Variants in IGHMBP2 observed in about 807,000 individuals in gnomAD.
IGHMBP2 encodes the protein DNA-binding protein SMUBP-2.
Under a neutral mutation model 96.0 loss-of-function variants are expected in IGHMBP2, and 81 were observed. That is an observed-to-expected ratio of 0.84 (90% CI 0.71 to 1.01). The LOEUF is 1.01. Ranked by LOEUF, IGHMBP2 falls within the 50% of genes least tolerant of loss-of-function variation. The pLI is 0.00. For synonymous variants in IGHMBP2, 557 were observed against 548.9 expected (o/e 1.01, Z -0.21); for missense variants, 1,227 against 1,306.3 (o/e 0.94, Z 0.94).
chr11:68,937,690 G>A (rs1468275459), intron 13 of IGHMBP2: 2 of 225,888 alleles, frequency 8.9e-6, no homozygotes, highest in African/African-American at 4.5e-5. Context: ...CGGTCTTGGG[G>A]AACTCCTGCT....
chr11:68,927,316 T>C (rs1296110796), intron 7 of IGHMBP2, among the ~76,000 whole-genome samples: 1 of 152,262 alleles, frequency 6.6e-6, no homozygotes, highest in East Asian at 1.9e-4. Context: ...TAATACAACT[T>C]AGTGGCCAGC....
intron 14 of IGHMBP2, among the ~76,000 whole-genome samples, chr11:68,939,004 T>C (rs1472600897): frequency 6.6e-6 from 1 of 151,864 alleles, no homozygotes; most frequent in Non-Finnish European, 1.5e-5. Context: ...AGGTGGGAGC[T>C]GGGCTGGGAA....
chr11:68,919,385 T>G (rs190912178), intron 7 of IGHMBP2, among the ~76,000 whole-genome samples: 1 of 152,308 alleles, frequency 6.6e-6, no homozygotes, highest in Admixed American at 6.5e-5. Flanking sequence ...TTCTCCCAGC[T>G]CAGCCTCCTG....
rs529534561 is a variant in IGHMBP2 at position 68,930,120 on chromosome 11, G to A, written c.1235+763G>A. Reference sequence around the variant, plus strand: ...ATGAACCCTCTGCATGGTATCCCTTGACTGCCCTTACACGAGGCCTGTGAA... The same window carrying A: ...ATGAACCCTCTGCATGGTATCCCTTAACTGCCCTTACACGAGGCCTGTGAA... On this transcript the variant is annotated intron_variant, in intron 8 of 14. Transcript: ENST00000255078. The A allele has an allele frequency of 2.3e-4, 274 of 1,188,544 alleles. 1 individual carries two copies. In the African/African-American group the frequency reaches 3.7e-3, roughly 16 times the overall value. 73.6% of individuals were successfully genotyped at this position (1,188,544 alleles called of 1,614,324 possible). A position where few individuals can be genotyped will look rare whatever the true frequency, so the allele number is the denominator to read the frequency against.
intron 7 of IGHMBP2, among the ~76,000 whole-genome samples, chr11:68,923,722 G>C (rs1055907650): frequency 6.6e-6 from 1 of 152,024 alleles, no homozygotes; most frequent in Non-Finnish European, 1.5e-5. Flanking sequence ...TGCTGTTCCC[G>C]GCCTTGTGTG....
At chr11:68,918,368 G>A (rs148222944) in intron 7 of IGHMBP2, among the ~76,000 whole-genome samples, 271 of 151,546 alleles carry the variant, frequency 1.8e-3, no homozygotes, top group African/African-American at 6.3e-3. Flanking sequence ...TCTGCCAGGC[G>A]CAGTGGCTCA....
At chr11:68,933,505 C>A in intron 9 of IGHMBP2, 24 bp downstream of exon 9, 4 of 1,602,958 alleles carry the variant, frequency 2.5e-6, no homozygotes, top group Non-Finnish European at 3.4e-6. Context: ...CACCACCCGC[C>A]GCCCCATCCT....
chr11:68,909,329 G>A (rs1424744771), intron 4 of IGHMBP2, among the ~76,000 whole-genome samples: 2 of 147,860 alleles, frequency 1.4e-5, no homozygotes, highest in South Asian at 2.2e-4. Flanking sequence ...ACAGGCACAC[G>A]CCACCACGCC....
intron 7 of IGHMBP2, 78 bp downstream of exon 7, chr11:68,917,961 G>A: frequency 6.6e-7 from 1 of 1,504,166 alleles, no homozygotes; most frequent in Non-Finnish European, 9.2e-7. Context: ...TTTTCTGGAA[G>A]AGTTTGTTTA....
At position 68,936,800 on chromosome 11, in the gene IGHMBP2, G is replaced by A. The variant is rs1311240840; in HGVS notation, c.2320G>A (p.Glu774Lys). The A allele has an allele frequency of 6.2e-7, 1 of 1,614,028 alleles. No homozygotes were observed. The highest frequency in any genetic ancestry group is 8.5e-7 in the Non-Finnish European group (1 of 1,180,038). ...CGGGCTGAGGCACGACAGTTCCGGGGAAGGGAAGAGGAGGTTCATCACTGT... is the reference window on the plus strand; with the variant it reads ...CGGGCTGAGGCACGACAGTTCCGGGAAAGGGAAGAGGAGGTTCATCACTGT... ...EHGLRHDSSG[E>K]GKRRFITVSK... The change falls in exon 13 of 15, where the codon GAA (glutamate) becomes AAA (lysine). Residue 774 changes from glutamate to lysine, a missense_variant. This residue lies in a region of IGHMBP2 where 703 missense variants were observed against 770.3 expected (regional missense o/e 0.91). Coordinates refer to ENST00000255078, the MANE Select transcript of IGHMBP2 (RefSeq NM_002180.3).
chr11:68,913,043 CAAAAAAAAAAA>C (rs71043469), intron 5 of IGHMBP2, among the ~76,000 whole-genome samples: 4 of 37,468 alleles, frequency 1.1e-4, no homozygotes, highest in Admixed American at 3.8e-4. Flanking sequence ...ACTCCATCTC[CAAAAAAAAAAA>C]AAAAAAAAAA....
At position 68,940,066 on chromosome 11, in the gene IGHMBP2, C is replaced by T. The variant is rs1490536508; in HGVS notation, c.*335C>T. 2 of 337,804 alleles carry T rather than the reference C, an allele frequency of 5.9e-6. No homozygotes were observed. Among genetic ancestry groups the T allele is most frequent in the Non-Finnish European group, 1.1e-5 (2 of 182,162 alleles). 20.9% of individuals were successfully genotyped at this position (337,804 alleles called of 1,614,324 possible). A position where few individuals can be genotyped will look rare whatever the true frequency, so the allele number is the denominator to read the frequency against. On this transcript the variant is annotated 3_prime_UTR_variant, in exon 15 of 15. Transcript: ENST00000255078. ...CCTGGAGAATACCCAGGGCCTCAAA[C>T]TTGAAGTCACTCCTCCAATGTCTGG...
At chr11:68,925,783 G>C (rs1299606932) in intron 7 of IGHMBP2, among the ~76,000 whole-genome samples, 2 of 152,132 alleles carry the variant, frequency 1.3e-5, no homozygotes, top group Non-Finnish European at 2.9e-5. Flanking sequence ...TCCATTGCCT[G>C]CATACTTTCT....
At chr11:68,904,097 G>A in intron 1 of IGHMBP2, 59 bp downstream of exon 1, 1 of 1,339,926 alleles carries the variant, frequency 7.5e-7, no homozygotes, top group Non-Finnish European at 1.0e-6. Context: ...CCCGGGCAGA[G>A]TCTCCGAGGG....
At chr11:68,937,980 G>A (rs754332338) in intron 13 of IGHMBP2, 1 of 621,284 alleles carries the variant, frequency 1.6e-6, no homozygotes, top group Non-Finnish European at 2.9e-6. Flanking sequence ...AGAATTAATA[G>A]AGACGGGGTC....
chr11:68,911,803 G>T (rs1216947470), intron 5 of IGHMBP2, among the ~76,000 whole-genome samples, 200 bp downstream of exon 5: 1 of 152,256 alleles, frequency 6.6e-6, no homozygotes. Flanking sequence ...CGCAGGAGCC[G>T]TAGCCTGGGT....
chr11:68,904,725 A>G (rs1390221291), intron 1 of IGHMBP2, among the ~76,000 whole-genome samples: 2 of 151,950 alleles, frequency 1.3e-5, no homozygotes, highest in Admixed American at 6.6e-5. Flanking sequence ...GCTAACACTT[A>G]CGTACTTTCC....
chr11:68,919,858 G>A (rs1200532193), intron 7 of IGHMBP2, among the ~76,000 whole-genome samples: 1 of 152,014 alleles, frequency 6.6e-6, no homozygotes, highest in East Asian at 1.9e-4. Context: ...AATCTACTTT[G>A]TCTGACATTA....
chr11:68,939,385 G>T, intron 14 of IGHMBP2, 149 bp from the exon 15 acceptor site: 1 of 816,864 alleles, frequency 1.2e-6, no homozygotes, highest in Admixed American at 2.4e-5. Context: ...CTCCCGCCAG[G>T]CAGCCTGCAG....
Sources: gnomAD v4.1 joint callset for allele counts (sites outside exome capture counted in the v4.1 genomes callset) on GRCh38, gnomAD v4.1.1 for gene constraint, gnomAD v4.1.1 regional missense constraint, MANE v1.5 for transcripts, NCBI Gene and HGNC (gene_info 2026-07-23, HGNC 2026-07-21) for gene names.